NEGR1: variants seen among roughly 807,000 people sequenced by gnomAD.
The protein encoded by NEGR1 is IgLON family member 4.
A neutral mutation model predicts 40.9 loss-of-function variants in NEGR1; 10 were observed. The ratio of observed to expected loss-of-function variants is 0.24; its 90% CI spans 0.15 to 0.42. The LOEUF (loss-of-function observed/expected upper bound fraction) is 0.42. Ranked by LOEUF, NEGR1 falls within the 10% of genes least tolerant of loss-of-function variation. The pLI is 1.00. For synonymous variants in NEGR1, 185 were observed against 166.8 expected (o/e 1.11, Z -0.84); for missense variants, 352 against 438.9 (o/e 0.80, Z 1.77).
chr1:71,804,144 A>C (rs1300649111), intron 2 of NEGR1, among the ~76,000 whole-genome samples: 1 of 152,196 alleles, frequency 6.6e-6, no homozygotes, highest in Non-Finnish European at 1.5e-5. Flanking sequence ...TCTGATATTT[A>C]TATAAAGTTG....
intron 1 of NEGR1, among the ~76,000 whole-genome samples, chr1:72,231,531 T>G (rs191214551): frequency 7.2e-5 from 11 of 152,178 alleles, no homozygotes; most frequent in Non-Finnish European, 1.5e-4. Context: ...AACTATAGTA[T>G]TATGTGTTTG....
At chr1:72,242,224 A>G (rs1350443834) in intron 1 of NEGR1, among the ~76,000 whole-genome samples, 1 of 151,716 alleles carries the variant, frequency 6.6e-6, no homozygotes, top group African/African-American at 2.4e-5. Context: ...TGCTCTGAAA[A>G]CAACTTCTAC....
chr1:72,272,445 CTATT>C (rs976550300), intron 1 of NEGR1, among the ~76,000 whole-genome samples: 1 of 151,800 alleles, frequency 6.6e-6, no homozygotes, highest in African/African-American at 2.4e-5. Context: ...AAGAAATATT[CTATT>C]TATTAAATTA....
intron 1 of NEGR1, among the ~76,000 whole-genome samples, chr1:72,013,702 A>G (rs1646681046): frequency 6.6e-6 from 1 of 152,050 alleles, no homozygotes; most frequent in South Asian, 2.1e-4. Flanking sequence ...GAGCACTTCT[A>G]GAATGGAAAT....
chr1:71,480,065 A>G (rs1261556159), intron 6 of NEGR1, among the ~76,000 whole-genome samples: 1 of 151,944 alleles, frequency 6.6e-6, no homozygotes, highest in Non-Finnish European at 1.5e-5. Flanking sequence ...CCTGAAAACA[A>G]TGAAGTTGAT....
chr1:72,064,506 C>A (rs1348461894), intron 1 of NEGR1, among the ~76,000 whole-genome samples: 1 of 152,088 alleles, frequency 6.6e-6, no homozygotes, highest in Non-Finnish European at 1.5e-5. Flanking sequence ...AATCAGAACA[C>A]AGTGGCCCTG....
chr1:71,896,430 T>C (rs149490788), intron 2 of NEGR1, among the ~76,000 whole-genome samples: 2 of 152,352 alleles, frequency 1.3e-5, no homozygotes, highest in African/African-American at 4.8e-5. Context: ...AAGATTTCTT[T>C]GTATTTTTTA....
intron 3 of NEGR1, among the ~76,000 whole-genome samples, chr1:71,765,891 C>A (rs1180446621): frequency 4.0e-5 from 6 of 151,882 alleles, no homozygotes; most frequent in African/African-American, 1.5e-4. Context: ...AAATAAGAGA[C>A]CTGGCCAGGC....
intron 1 of NEGR1, among the ~76,000 whole-genome samples, chr1:72,001,267 C>A (rs1041915532): frequency 2.6e-5 from 4 of 152,014 alleles, no homozygotes; most frequent in Non-Finnish European, 5.9e-5. Flanking sequence ...TATTAAACTT[C>A]TGCTCTAACA....
chr1:72,044,419 C>T (rs751700546), intron 1 of NEGR1, among the ~76,000 whole-genome samples: 21 of 150,826 alleles, frequency 1.4e-4, no homozygotes, highest in African/African-American at 4.9e-4. Flanking sequence ...TTGGCCTTTG[C>T]ACAATTCTAT....
intron 3 of NEGR1, among the ~76,000 whole-genome samples, chr1:71,765,947 G>A (rs1333983422): frequency 6.6e-6 from 1 of 152,058 alleles, no homozygotes; most frequent in Non-Finnish European, 1.5e-5. Context: ...AGGCCGAGGT[G>A]GGCAGATCAT....
At chr1:72,131,012 T>C (rs1031947376) in intron 1 of NEGR1, among the ~76,000 whole-genome samples, 1 of 152,194 alleles carries the variant, frequency 6.6e-6, no homozygotes, top group Admixed American at 6.5e-5. Flanking sequence ...GATCCAGTTG[T>C]TATAGCACAA....
chr1:71,940,778 A>G (rs541661717), intron 1 of NEGR1, among the ~76,000 whole-genome samples: 1 of 152,268 alleles, frequency 6.6e-6, no homozygotes, highest in Admixed American at 6.5e-5. Flanking sequence ...GACATCAGAG[A>G]GTGTAGCGAA....
At chr1:71,471,732 A>T (rs1320935925) in intron 6 of NEGR1, among the ~76,000 whole-genome samples, 1 of 152,104 alleles carries the variant, frequency 6.6e-6, no homozygotes, top group Non-Finnish European at 1.5e-5. Context: ...TCCCTGCCCA[A>T]AACAATACCA....
intron 1 of NEGR1, among the ~76,000 whole-genome samples, chr1:72,136,338 GA>G (rs1557544825): frequency 6.6e-6 from 1 of 151,944 alleles, no homozygotes; most frequent in Non-Finnish European, 1.5e-5. Flanking sequence ...ATTAGCAGTC[GA>G]TTGCAGTTTT....
intron 1 of NEGR1, among the ~76,000 whole-genome samples, chr1:72,061,514 G>T (rs182445923): frequency 9.9e-5 from 15 of 151,578 alleles, no homozygotes; most frequent in Admixed American, 9.9e-4. Flanking sequence ...GACAAACGTT[G>T]TGTCTAATTC....
chr1:72,199,266 G>C (rs1236239710), intron 1 of NEGR1, among the ~76,000 whole-genome samples: 1 of 151,758 alleles, frequency 6.6e-6, no homozygotes, highest in African/African-American at 2.4e-5. Flanking sequence ...GCTACTCTGG[G>C]GGGGGTGCCA....
chr1:71,596,779 G>A (rs181090088), intron 5 of NEGR1, among the ~76,000 whole-genome samples: 1 of 152,160 alleles, frequency 6.6e-6, no homozygotes, highest in African/African-American at 2.4e-5. Flanking sequence ...AAACCAACTT[G>A]CAGATGAAAA....
At chr1:72,255,937 T>C (rs1655259051) in intron 1 of NEGR1, among the ~76,000 whole-genome samples, 1 of 152,244 alleles carries the variant, frequency 6.6e-6, no homozygotes, top group Non-Finnish European at 1.5e-5. Context: ...CTTAAAATGA[T>C]ATTGAAGTCC....
Sources: allele counts gnomAD v4.1 joint callset (sites outside exome capture counted in the v4.1 genomes callset), GRCh38; gene constraint gnomAD v4.1.1; transcripts MANE v1.5; gene names NCBI Gene and HGNC (gene_info 2026-07-23, HGNC 2026-07-21).